The following CGNL1 variants were observed in gnomAD, a reference collection of about 807,000 sequenced individuals.
CGNL1 encodes the protein cingulin like 1.
CGNL1 carries 132 observed loss-of-function variants against 141.2 expected under a neutral mutation model. That is an observed-to-expected ratio of 0.93 (90% CI 0.81 to 1.08). CGNL1 has a LOEUF of 1.08. Ranked by LOEUF, CGNL1 falls within the 50% of genes least tolerant of loss-of-function variation. The pLI is 0.00. For missense variants in CGNL1, 1,870 were observed against 1,588.6 expected, an observed-to-expected ratio of 1.18 and a Z score of -3.01; for synonymous variants, 690 against 622.1, an observed-to-expected ratio of 1.11 and a Z score of -1.63.
chr15:57,504,747 A>C (rs79332783), intron 8 of CGNL1, among the ~76,000 whole-genome samples: 154 of 152,250 alleles, frequency 1.0e-3, no homozygotes, highest in Non-Finnish European at 1.8e-3. Context: ...GTCACCTGCC[A>C]CTTCTTGCAT....
chr15:57,521,402 C>A (rs1293254572), intron 10 of CGNL1, among the ~76,000 whole-genome samples: 1 of 152,098 alleles, frequency 6.6e-6, no homozygotes, highest in Non-Finnish European at 1.5e-5. Context: ...TACAGACACC[C>A]CATCCTTGCT....
intron 8 of CGNL1, among the ~76,000 whole-genome samples, chr15:57,462,220 A>T (rs1242929981): frequency 6.6e-6 from 1 of 152,178 alleles, no homozygotes; most frequent in Non-Finnish European, 1.5e-5. Context: ...TAACGGTCAG[A>T]GGCCGAGGGC....
intron 8 of CGNL1, among the ~76,000 whole-genome samples, chr15:57,492,923 C>T (rs548344943): frequency 1.6e-4 from 24 of 152,118 alleles, no homozygotes; most frequent in African/African-American, 5.6e-4. Context: ...GTCTTGAATA[C>T]GTCATCAGGT....
intron 14 of CGNL1, among the ~76,000 whole-genome samples, chr15:57,541,162 C>G (rs569397094): frequency 6.6e-6 from 1 of 152,240 alleles, no homozygotes; most frequent in Non-Finnish European, 1.5e-5. Context: ...GTTAGATCAA[C>G]AAGGTCACAG....
chr15:57,538,835 T>A (rs2032408616), intron 14 of CGNL1, among the ~76,000 whole-genome samples: 1 of 152,198 alleles, frequency 6.6e-6, no homozygotes, highest in Admixed American at 6.5e-5. Flanking sequence ...TTGTGGGTCT[T>A]CTTCCTTTAT....
chr15:57,516,705 G>A, intron 8 of CGNL1, 75 bp from the exon 9 acceptor site: 1 of 1,477,816 alleles, frequency 6.8e-7, no homozygotes, highest in Non-Finnish European at 9.3e-7. Context: ...TTTCATAAAT[G>A]CCAGCCATTC....
At chr15:57,536,775 C>G (rs1407238041) in intron 14 of CGNL1, among the ~76,000 whole-genome samples, 2 of 152,176 alleles carry the variant, frequency 1.3e-5, no homozygotes, top group Non-Finnish European at 2.9e-5. Flanking sequence ...GTTTTCAGGG[C>G]TTTCAAGGTG....
intron 1 of CGNL1, among the ~76,000 whole-genome samples, chr15:57,411,579 G>A (rs77799361): frequency 1.3e-5 from 2 of 151,720 alleles, no homozygotes; most frequent in Admixed American, 6.6e-5. Context: ...AAGTATCTGG[G>A]ATTACAGGTG....
At chr15:57,540,565 A>G (rs2032510566) in intron 14 of CGNL1, among the ~76,000 whole-genome samples, 2 of 152,066 alleles carry the variant, frequency 1.3e-5, no homozygotes, top group Admixed American at 6.5e-5. Context: ...CAGGCAAACC[A>G]TATTACCCTT....
At chr15:57,537,100 T>C (rs16977582) in intron 14 of CGNL1, among the ~76,000 whole-genome samples, 29,898 of 152,118 alleles carry the variant, frequency 0.2, 3,557 homozygotes, top group African/African-American at 0.34. Context: ...CTGCTGCAAA[T>C]GCTTCACAGC....
chr15:57,482,475 A>C (rs564160723), intron 8 of CGNL1, among the ~76,000 whole-genome samples: 1 of 152,322 alleles, frequency 6.6e-6, no homozygotes, highest in Non-Finnish European at 1.5e-5. Flanking sequence ...GTAAGGTGGA[A>C]GTTTAGTTTG....
chr15:57,530,622 T>C (rs2031896451), intron 13 of CGNL1, among the ~76,000 whole-genome samples: 1 of 152,184 alleles, frequency 6.6e-6, no homozygotes, highest in Non-Finnish European at 1.5e-5. Flanking sequence ...CAGGAACCAC[T>C]GAATAAACAG....
Position 57,511,601 on chromosome 15 carries a change from G to T in CGNL1, c.2404-5179G>T, listed in dbSNP as rs142724954. On this transcript the variant is annotated intron_variant, in intron 8 of 18. Coordinates refer to ENST00000281282, the MANE Select transcript of CGNL1 (RefSeq NM_032866.5). ...CCCCACCAGCAATCGATGAGAATAC[G>T]TTTCCTCACATTACACATACTGTGT... Among the ~76,000 whole-genome samples the T allele has an allele frequency of 2.3e-3, 357 of 152,282 alleles. 2 individuals are homozygous for T. The highest frequency in any genetic ancestry group is 8.2e-3 in the African/African-American group (341 of 41,558).
At chr15:57,409,037 T>TCTCACA (rs143760210) in intron 1 of CGNL1, among the ~76,000 whole-genome samples, 8 of 141,836 alleles carry the variant, frequency 5.6e-5, no homozygotes, top group Admixed American at 1.4e-4. Context: ...TGAGACTCTG[T>TCTCACA]CACACACACA....
intron 8 of CGNL1, among the ~76,000 whole-genome samples, chr15:57,462,752 A>G (rs1344730064): frequency 6.6e-6 from 1 of 152,224 alleles, no homozygotes; most frequent in East Asian, 1.9e-4. Flanking sequence ...GTAATTGCAA[A>G]TGACAAGAAA....
intron 8 of CGNL1, among the ~76,000 whole-genome samples, chr15:57,505,913 G>A (rs1484212282): frequency 1.3e-5 from 2 of 152,176 alleles, no homozygotes; most frequent in African/African-American, 4.8e-5. Context: ...AGCATTTATG[G>A]ATATATGGTA....
chr15:57,523,776 C>T, intron 11 of CGNL1, 135 bp downstream of exon 11: 1 of 841,764 alleles, frequency 1.2e-6, no homozygotes, highest in Non-Finnish European at 1.9e-6. Context: ...TTGCAGATCC[C>T]AAGAGGCAGC....
At chr15:57,379,038 A>C (rs2062397445) in intron 1 of CGNL1, among the ~76,000 whole-genome samples, 2 of 151,326 alleles carry the variant, frequency 1.3e-5, no homozygotes, top group African/African-American at 2.4e-5. Context: ...GTGTTTTCCT[A>C]CTGTTTTTTT....
chr15:57,417,064 T>C (rs1039466538), intron 1 of CGNL1, among the ~76,000 whole-genome samples: 1 of 152,200 alleles, frequency 6.6e-6, no homozygotes, highest in South Asian at 2.1e-4. Flanking sequence ...TGCAAAATGG[T>C]GTTAATTAAT....
Sources: gnomAD v4.1 joint callset for allele counts (sites outside exome capture counted in the v4.1 genomes callset) on GRCh38, gnomAD v4.1.1 for gene constraint, MANE v1.5 for transcripts, NCBI Gene and HGNC (gene_info 2026-07-23, HGNC 2026-07-21) for gene names.